Variants in FARP2 observed in about 807,000 individuals in gnomAD.
FARP2 encodes FERM, ARHGEF and pleckstrin domain-containing protein 2.
Under a neutral mutation model 130.5 loss-of-function variants are expected in FARP2, and 111 were observed. The observed-to-expected ratio is 0.85, with a 90% CI of 0.73 to 1.00. The LOEUF is 1.00. Ranked by LOEUF, FARP2 falls within the 50% of genes least tolerant of loss-of-function variation. The pLI, the probability that FARP2 is intolerant of heterozygous loss-of-function variation, is 0.00. For synonymous variants in FARP2, 504 were observed against 516.9 expected (o/e 0.98, Z 0.34); for missense variants, 1,385 against 1,346.3 (o/e 1.03, Z -0.45).
chr2:241,431,573 A>C (rs2063091046), intron 8 of FARP2, 106 bp from the exon 9 acceptor site: 1 of 664,798 alleles, frequency 1.5e-6, no homozygotes, highest in Admixed American at 2.6e-5. Flanking sequence ...TAAAATGCCA[A>C]GTAGAGTGCT....
chr2:241,442,011 C>T (rs931353183), intron 13 of FARP2: 6 of 359,272 alleles, frequency 1.7e-5, no homozygotes, highest in East Asian at 7.3e-5. Context: ...ACACAGAAGA[C>T]GGTTTTGCAT....
chr2:241,457,404 A>C (rs1430664108), intron 14 of FARP2, among the ~76,000 whole-genome samples: 3 of 143,088 alleles, frequency 2.1e-5, no homozygotes, highest in African/African-American at 5.3e-5. Context: ...TGGGTTCCGG[A>C]GAGGCTCTTG....
chr2:241,462,577 C>G lies in FARP2; in HGVS notation c.1642C>G (p.Arg548Gly). 6.2e-7 allele frequency: 1 copy of G among 1,613,438 alleles called. No individual in the cohort carries two copies. The highest frequency in any genetic ancestry group is 8.5e-7 in the Non-Finnish European group (1 of 1,179,388). Residue 548 changes from arginine to glycine, a missense_variant, in exon 15 of 27, where the codon CGA becomes GGA. Arg to Gly is a moderately radical substitution (Grantham distance 125). Coordinates refer to ENST00000264042, the MANE Select transcript of FARP2 (RefSeq NM_014808.4). ...FIVKEILATERTYLKDLEVIT... is the reference protein window; with the variant it reads ...FIVKEILATEGTYLKDLEVIT... ...AGTCAAAGAGATTCTCGCTACAGAA[C>G]GAACATACCTCAAGGATTTAGAAGT...
At chr2:241,378,012 A>T (rs919697213) in intron 2 of FARP2, among the ~76,000 whole-genome samples, 1 of 152,102 alleles carries the variant, frequency 6.6e-6, no homozygotes, top group Non-Finnish European at 1.5e-5. Flanking sequence ...ATTTGCCAAC[A>T]CTTATTTTTT....
At chr2:241,449,876 G>T (rs143229316) in intron 13 of FARP2, among the ~76,000 whole-genome samples, 1 of 151,814 alleles carries the variant, frequency 6.6e-6, no homozygotes, top group African/African-American at 2.4e-5. Flanking sequence ...GCATGGTGGC[G>T]GGTGCCTGTA....
chr2:241,425,139 G>A (rs1336215252), intron 8 of FARP2, among the ~76,000 whole-genome samples: 1 of 152,066 alleles, frequency 6.6e-6, no homozygotes, highest in African/African-American at 2.4e-5. Flanking sequence ...CCTGGGAGGC[G>A]GAGGTTGCAG....
chr2:241,438,633 T>G (rs1010583988), intron 12 of FARP2, among the ~76,000 whole-genome samples: 23 of 145,582 alleles, frequency 1.6e-4, no homozygotes, highest in African/African-American at 6.0e-4. Flanking sequence ...TTTTTTTTTT[T>G]GTTTTTTTTT....
intron 24 of FARP2, chr2:241,492,638 C>G (rs371653288): frequency 5.9e-6 from 2 of 336,440 alleles, no homozygotes; most frequent in South Asian, 1.0e-4. Context: ...GGTATCTTCT[C>G]TCTTCTGGCT....
intron 23 of FARP2, 119 bp from the exon 24 acceptor site, chr2:241,491,397 C>A: frequency 8.6e-7 from 1 of 1,156,748 alleles, no homozygotes; most frequent in Non-Finnish European, 1.2e-6. Context: ...CAGCAGCTGG[C>A]CTAGCACCAA....
chr2:241,439,352 C>A (rs905160449), intron 12 of FARP2, among the ~76,000 whole-genome samples: 1 of 151,714 alleles, frequency 6.6e-6, no homozygotes, highest in East Asian at 1.9e-4. Context: ...TTTTTTGAGA[C>A]AGAGTCTCGC....
chr2:241,463,522 C>A, intron 16 of FARP2, 54 bp downstream of exon 16: 1 of 1,573,584 alleles, frequency 6.4e-7, no homozygotes, highest in Non-Finnish European at 8.6e-7. Flanking sequence ...TCATCATCAC[C>A]GCTCTTAGGA....
At chr2:241,404,327 T>G (rs2062274752) in intron 3 of FARP2, among the ~76,000 whole-genome samples, 1 of 152,216 alleles carries the variant, frequency 6.6e-6, no homozygotes, top group South Asian at 2.1e-4. Context: ...ATCAACCCTT[T>G]AGTTCAAAAA....
chr2:241,484,376 G>T, intron 21 of FARP2, 45 bp downstream of exon 21: 2 of 1,519,828 alleles, frequency 1.3e-6, no homozygotes, highest in Non-Finnish European at 1.8e-6. Flanking sequence ...GTGGTGCTGG[G>T]CTGGGCCCCA....
At chr2:241,440,328 T>C (rs1038795088) in intron 12 of FARP2, among the ~76,000 whole-genome samples, 18 of 152,182 alleles carry the variant, frequency 1.2e-4, no homozygotes, top group African/African-American at 4.3e-4. Flanking sequence ...CATCCCGTGA[T>C]AGCGCGCGAG....
intron 14 of FARP2, among the ~76,000 whole-genome samples, chr2:241,458,455 C>A (rs1227515772): frequency 1.3e-5 from 2 of 152,294 alleles, no homozygotes; most frequent in East Asian, 1.9e-4. Context: ...ACAGGCAGGG[C>A]AGTCTCCTCC....
intron 13 of FARP2, among the ~76,000 whole-genome samples, chr2:241,455,039 A>C (rs1381548774): frequency 6.6e-6 from 1 of 152,200 alleles, no homozygotes; most frequent in Non-Finnish European, 1.5e-5. Context: ...CCCAGCAAAC[A>C]GGGAATCATG....
intron 13 of FARP2, chr2:241,444,113 T>G (rs867883585): frequency 6.6e-6 from 1 of 152,388 alleles, no homozygotes; most frequent in South Asian, 2.1e-4. Context: ...CAGCTAGAAG[T>G]TTCAGTCTGT....
At chr2:241,385,125 G>A (rs144640831) in intron 2 of FARP2, among the ~76,000 whole-genome samples, 24 of 152,186 alleles carry the variant, frequency 1.6e-4, no homozygotes, top group Non-Finnish European at 2.8e-4. Context: ...ACAGGATTTC[G>A]TAATGAATCT....
At chr2:241,442,369 ACAGAGT>A (rs1299598404) in intron 13 of FARP2, 1 of 456,702 alleles carries the variant, frequency 2.2e-6, no homozygotes, top group African/African-American at 2.0e-5. Context: ...CTCCAGCAGC[ACAGAGT>A]CAGACTCATG....
Sources: gnomAD v4.1 joint callset for allele counts (sites outside exome capture counted in the v4.1 genomes callset) on GRCh38, gnomAD v4.1.1 for gene constraint, MANE v1.5 for transcripts, NCBI Gene and HGNC (gene_info 2026-07-23, HGNC 2026-07-21) for gene names.